The following DLGAP2 variants were observed in gnomAD, a reference collection of about 807,000 sequenced individuals.
DLGAP2 encodes the protein disks large-associated protein 2.
In DLGAP2, 26 loss-of-function variants were observed where a neutral mutation model predicts 100.3. That is an observed-to-expected ratio of 0.26 (90% CI 0.19 to 0.36). The LOEUF (loss-of-function observed/expected upper bound fraction) is 0.36, where lower values mean the gene tolerates loss of function less well. DLGAP2 is among the 10% of genes least tolerant of loss of function. The pLI, the probability that DLGAP2 is intolerant of heterozygous loss-of-function variation, is 1.00. For synonymous variants in DLGAP2, 886 were observed against 630.1 expected (o/e 1.41, Z -6.08); for missense variants, 1,858 against 1,453.2 (o/e 1.28, Z -4.53).
In DLGAP2 at chr8:1,313,422, C is replaced by T. The variant is rs561943454; in HGVS notation, c.106+54539C>T. On this transcript the variant is annotated intron_variant, in intron 3 of 14. Coordinates refer to ENST00000637795, the MANE Select transcript of DLGAP2 (RefSeq NM_001346810.2). ...ACCCTCCGGTTGTCTGCACATGTGC[C>T]GTTCAGCTATGCTCTCACCTATAAT... Among the ~76,000 whole-genome samples the T allele has an allele frequency of 3.1e-4, 47 of 152,252 alleles. No homozygotes were observed. The South Asian group carries it at 7.3e-3, about 24-fold the overall frequency.
At chr8:1,439,257 A>C (rs1397868572) in intron 3 of DLGAP2, among the ~76,000 whole-genome samples, 1 of 152,192 alleles carries the variant, frequency 6.6e-6, no homozygotes, top group African/African-American at 2.4e-5. Context: ...AGCACGTGGC[A>C]GCCGGGTTCT....
intron 3 of DLGAP2, among the ~76,000 whole-genome samples, chr8:1,444,394 G>A (rs1563153375): frequency 6.6e-6 from 1 of 152,190 alleles, no homozygotes; most frequent in Admixed American, 6.5e-5. Context: ...GGACATTGTG[G>A]CTTTCTTCAT....
chr8:1,570,582 CGCTGTAATGCCCAAGAG>C (rs1157313145), intron 6 of DLGAP2, among the ~76,000 whole-genome samples: 7 of 152,308 alleles, frequency 4.6e-5, no homozygotes, highest in African/African-American at 1.7e-4. Context: ...TAGGTGCAGA[CGCTGTAATGCCCAAGAG>C]GCTGGCTGTG....
intron 2 of DLGAP2, among the ~76,000 whole-genome samples, chr8:1,088,301 G>A (rs796927409): frequency 2.6e-5 from 4 of 152,310 alleles, no homozygotes; most frequent in African/African-American, 7.2e-5. Context: ...ATATCCGTCT[G>A]TCTGTGGCGG....
At chr8:965,745 C>G (rs111928736) in intron 2 of DLGAP2, among the ~76,000 whole-genome samples, 10,116 of 102,598 alleles carry the variant, frequency 0.099, 667 homozygotes, top group East Asian at 0.13. Context: ...TCACCTCACA[C>G]GGCTCCTGAG....
intron 2 of DLGAP2, among the ~76,000 whole-genome samples, chr8:1,112,366 G>A (rs1021806253): frequency 4.7e-5 from 7 of 148,958 alleles, no homozygotes; most frequent in Admixed American, 1.4e-4. Flanking sequence ...TCAGCCTCCC[G>A]ATTAGCTGGG....
At chr8:1,323,862 C>G (rs1245215859) in intron 3 of DLGAP2, among the ~76,000 whole-genome samples, 1 of 152,230 alleles carries the variant, frequency 6.6e-6, no homozygotes, top group East Asian at 1.9e-4. Context: ...GTACTACTAG[C>G]TGAAACCAGG....
chr8:1,672,797 G>A (rs533587232), intron 10 of DLGAP2, among the ~76,000 whole-genome samples: 13 of 152,358 alleles, frequency 8.5e-5, no homozygotes, highest in Middle Eastern at 3.4e-3. Context: ...GGCAGAGCAC[G>A]TCTCAGAGGG....
intron 2 of DLGAP2, among the ~76,000 whole-genome samples, chr8:1,129,302 C>A (rs151309579): frequency 2.3e-3 from 345 of 151,220 alleles, no homozygotes; most frequent in African/African-American, 7.7e-3. Flanking sequence ...GCTCGGGAGG[C>A]TGAGGCAGGG....
intron 2 of DLGAP2, among the ~76,000 whole-genome samples, chr8:1,098,738 G>A (rs922666975): frequency 2.9e-4 from 33 of 115,676 alleles, no homozygotes; most frequent in East Asian, 2.0e-3. Flanking sequence ...CGCCACCCAC[G>A]CCAGGCTCCC....
At chr8:1,624,349 G>A (rs976377738) in intron 6 of DLGAP2, among the ~76,000 whole-genome samples, 1 of 152,074 alleles carries the variant, frequency 6.6e-6, no homozygotes, top group African/African-American at 2.4e-5. Context: ...GTCAAGTTAA[G>A]AGCCTCAGTC....
intron 1 of DLGAP2, among the ~76,000 whole-genome samples, chr8:847,742 A>G (rs1797097544): frequency 6.6e-6 from 1 of 152,140 alleles, no homozygotes; most frequent in African/African-American, 2.4e-5. Flanking sequence ...CTTAGCCTCA[A>G]GTGATCCGCC....
chr8:1,335,162 C>T (rs1460451034), intron 3 of DLGAP2, among the ~76,000 whole-genome samples: 1 of 152,190 alleles, frequency 6.6e-6, no homozygotes, highest in Admixed American at 6.5e-5. Flanking sequence ...TTCTGGATTT[C>T]TTGGGAGCGA....
At chr8:1,174,593 G>C (rs539443889) in intron 2 of DLGAP2, among the ~76,000 whole-genome samples, 3 of 149,394 alleles carry the variant, frequency 2.0e-5, no homozygotes, top group Non-Finnish European at 4.4e-5. Context: ...CATCATTGTC[G>C]TCATCATCAT....
chr8:1,009,266 G>A (rs1330237494), intron 2 of DLGAP2, among the ~76,000 whole-genome samples: 2 of 152,032 alleles, frequency 1.3e-5, no homozygotes, highest in Admixed American at 6.6e-5. Flanking sequence ...CTTTTTGTTC[G>A]TCAAGTCCCA....
intron 1 of DLGAP2, among the ~76,000 whole-genome samples, chr8:747,635 C>A (rs1365862872): frequency 9.1e-6 from 1 of 109,644 alleles, no homozygotes; most frequent in Non-Finnish European, 1.9e-5. Flanking sequence ...GGTGCGGGGG[C>A]TCCAGGATGG....
At chr8:874,386 T>TGCATCTC (rs1797652448) in intron 1 of DLGAP2, among the ~76,000 whole-genome samples, 2 of 152,106 alleles carry the variant, frequency 1.3e-5, no homozygotes. Context: ...TCTCATAAGG[T>TGCATCTC]TTGATGTGTT....
At chr8:1,466,086 C>T (rs1798618989) in intron 3 of DLGAP2, among the ~76,000 whole-genome samples, 2 of 152,140 alleles carry the variant, frequency 1.3e-5, no homozygotes, top group South Asian at 2.1e-4. Context: ...TGCTGTCTGA[C>T]ATACTTTGCA....
chr8:1,431,151 C>T (rs776096105), intron 3 of DLGAP2, among the ~76,000 whole-genome samples: 1 of 152,200 alleles, frequency 6.6e-6, no homozygotes, highest in Non-Finnish European at 1.5e-5. Context: ...GAAACACATG[C>T]GATTCAAATA....
Sources: allele counts gnomAD v4.1 joint callset (sites outside exome capture counted in the v4.1 genomes callset), GRCh38; gene constraint gnomAD v4.1.1; transcripts MANE v1.5; gene names NCBI Gene and HGNC (gene_info 2026-07-23, HGNC 2026-07-21).